Variants in KCNH1 observed in about 807,000 individuals in gnomAD.
KCNH1 encodes the protein voltage-gated delayed rectifier potassium channel KCNH1.
A neutral mutation model predicts 69.2 loss-of-function variants in KCNH1; 27 were observed. The observed-to-expected ratio is 0.39, with a 90% confidence interval of 0.29 to 0.54. The LOEUF (loss-of-function observed/expected upper bound fraction) is 0.54. Among genes scored for constraint, KCNH1 ranks in the 20% least tolerant of loss-of-function variants. The pLI is 0.68. For synonymous variants in KCNH1, 456 were observed against 487.7 expected (o/e 0.93, Z 0.86); for missense variants, 798 against 1,261.6 (o/e 0.63, Z 5.57).
chr1:210,879,530 G>A (rs1259959391), intron 7 of KCNH1, among the ~76,000 whole-genome samples: 2 of 151,916 alleles, frequency 1.3e-5, no homozygotes, highest in African/African-American at 4.8e-5. Flanking sequence ...AATAGATGCA[G>A]AAAAAAGCAT....
intron 5 of KCNH1, among the ~76,000 whole-genome samples, chr1:211,060,933 A>G (rs1235208147): frequency 2.0e-5 from 3 of 152,178 alleles, no homozygotes; most frequent in African/African-American, 7.2e-5. Context: ...AATAGAGGAG[A>G]AGGAAATACT....
intron 7 of KCNH1, among the ~76,000 whole-genome samples, chr1:210,809,976 A>G (rs1267733375): frequency 6.6e-6 from 1 of 151,996 alleles, no homozygotes; most frequent in African/African-American, 2.4e-5. Context: ...TCTAGTTCTC[A>G]CTCTTCATCA....
At chr1:210,768,156 G>T (rs1683677345) in intron 10 of KCNH1, among the ~76,000 whole-genome samples, 1 of 152,178 alleles carries the variant, frequency 6.6e-6, no homozygotes, top group Non-Finnish European at 1.5e-5. Context: ...CTAAGTCCCA[G>T]AAAAGCTAAC....
chr1:211,093,943 T>G (rs1691100760), intron 3 of KCNH1, among the ~76,000 whole-genome samples: 1 of 152,214 alleles, frequency 6.6e-6, no homozygotes, highest in Non-Finnish European at 1.5e-5. Flanking sequence ...AGTTCTCCAG[T>G]ACTACCTGTG....
At chr1:210,806,830 A>ATATATATATATATATATAT (rs1684583203) in intron 7 of KCNH1, among the ~76,000 whole-genome samples, 1 of 56,018 alleles carries the variant, frequency 1.8e-5, no homozygotes, top group African/African-American at 5.8e-5. Context: ...AAAAAAAAAA[A>ATATATATATATATATATAT]AAAAAAATAT....
At chr1:210,809,913 C>T (rs1487678713) in intron 7 of KCNH1, among the ~76,000 whole-genome samples, 2 of 152,044 alleles carry the variant, frequency 1.3e-5, no homozygotes, top group African/African-American at 2.4e-5. Flanking sequence ...CTCTGAAGTC[C>T]CCTTGGCCAA....
chr1:210,731,024 C>T (rs144905463), intron 10 of KCNH1, among the ~76,000 whole-genome samples: 4 of 152,132 alleles, frequency 2.6e-5, no homozygotes, highest in Non-Finnish European at 5.9e-5. Flanking sequence ...GTTCACAAGA[C>T]AGCTGAATCT....
At chr1:210,993,084 T>G (rs1532682) in intron 6 of KCNH1, among the ~76,000 whole-genome samples, 36,131 of 152,102 alleles carry the variant, frequency 0.24, 5,883 homozygotes, top group African/African-American at 0.45. Flanking sequence ...CTCACTCACT[T>G]AAGCTTGCCC....
chr1:211,046,616 T>C (rs1213984185), intron 5 of KCNH1, among the ~76,000 whole-genome samples: 1 of 152,198 alleles, frequency 6.6e-6, no homozygotes, highest in Non-Finnish European at 1.5e-5. Flanking sequence ...ACAAAGGTTT[T>C]AAGGGTGCAG....
Position 210,967,043 on chromosome 1 carries a change from C to T in KCNH1, c.1033-46974G>A, listed in dbSNP as rs185005822. On this transcript the variant is annotated intron_variant, in intron 6 of 10. Coordinates refer to ENST00000271751, the MANE Select transcript of KCNH1 (RefSeq NM_172362.3). ...TGGAATATTATGCAGCCATAAAAAA[C>T]GATTGAGTTCATGTCAAACTAACAC... 5.4e-4 allele frequency among the ~76,000 whole-genome samples: 81 copies of T among 150,498 alleles called. 1 individual carries two copies. The South Asian group carries it at 0.015, about 28-fold the overall frequency.
At chr1:211,068,020 T>C (rs995023294) in intron 5 of KCNH1, among the ~76,000 whole-genome samples, 2 of 152,260 alleles carry the variant, frequency 1.3e-5, no homozygotes, top group Admixed American at 1.3e-4. Context: ...ATACGAGTTC[T>C]ACAGTAAGAA....
rs191903299 is a variant in KCNH1, at chr1:211,086,931, G to A, written c.439+3631C>T. On this transcript the variant is annotated intron_variant, in intron 4 of 10. Transcript: ENST00000271751. ...AGTCAGTGCAGACCACTGCCTAAGC[G>A]TCCTCAAGTCTCCTCCCACAATCTT... 2.6e-4 allele frequency among the ~76,000 whole-genome samples: 39 copies of A among 152,244 alleles called. No individual in the cohort carries two copies. In the East Asian group the frequency reaches 3.1e-3, roughly 12 times the overall value.
At chr1:210,700,350 G>A (rs1451754854) in intron 10 of KCNH1, among the ~76,000 whole-genome samples, 1 of 152,122 alleles carries the variant, frequency 6.6e-6, no homozygotes, top group Non-Finnish European at 1.5e-5. Context: ...GGTATGGAGT[G>A]TCCGAGCCAG....
intron 7 of KCNH1, among the ~76,000 whole-genome samples, chr1:210,870,335 T>C (rs1686212108): frequency 6.6e-6 from 1 of 152,180 alleles, no homozygotes; most frequent in South Asian, 2.1e-4. Flanking sequence ...CCACTAATAC[T>C]GTCTCAGTGA....
chr1:210,836,043 C>T (rs1201461882), intron 7 of KCNH1, among the ~76,000 whole-genome samples: 15 of 133,100 alleles, frequency 1.1e-4, no homozygotes, highest in South Asian at 7.3e-4. Flanking sequence ...ACCTGGGAGG[C>T]GGAGGTTGCA....
In KCNH1 at chr1:211,118,893, G is replaced by A. The variant is rs1035281361; in HGVS notation, c.80-11516C>T. ...CGCAGATAAAAGCTACATTCAGCTC[G>A]CAGTTCACACAAGTGTACTGTTCCC... On this transcript the variant is annotated intron_variant, in intron 1 of 10. Transcript: ENST00000271751. Among the ~76,000 whole-genome samples the A allele has an allele frequency of 3.3e-5, 5 of 152,178 alleles. No individual in the cohort carries two copies. In the East Asian group the frequency reaches 7.7e-4, roughly 23 times the overall value.
intron 7 of KCNH1, among the ~76,000 whole-genome samples, chr1:210,813,370 G>A (rs1341333754): frequency 6.6e-6 from 1 of 152,190 alleles, no homozygotes; most frequent in African/African-American, 2.4e-5. Context: ...GAACTTTGAT[G>A]TATTAGCTGA....
rs1018603373 is a variant in KCNH1 at position 211,029,400 on chromosome 1, GA to G, written c.559-10145del. ...AAGAGTGCAAGGCTGGCTCAATATT[GA>G]AAAAAAAAGCCATGTAATGTATGAT... On this transcript the variant is annotated intron_variant, in intron 5 of 10. Coordinates refer to ENST00000271751, the MANE Select transcript of KCNH1 (RefSeq NM_172362.3). Among the ~76,000 whole-genome samples the G allele has an allele frequency of 9.9e-5, 10 of 100,616 alleles. 1 individual carries two copies. Among genetic ancestry groups the G allele is most frequent in the East Asian group, 3.4e-4 (1 of 2,922 alleles). The allele number at this position is 100,616 out of a possible 152,430, so 66.0% of individuals were successfully genotyped here.
intron 3 of KCNH1, among the ~76,000 whole-genome samples, chr1:211,096,692 A>G (rs1269303131): frequency 3.3e-5 from 5 of 152,154 alleles, no homozygotes; most frequent in Admixed American, 1.3e-4. Context: ...GCTCCCTCTA[A>G]TATATATATC....
Sources: allele counts gnomAD v4.1 joint callset (sites outside exome capture counted in the v4.1 genomes callset), GRCh38; gene constraint gnomAD v4.1.1; transcripts MANE v1.5; gene names NCBI Gene and HGNC (gene_info 2026-07-23, HGNC 2026-07-21).